The following TMEFF2 variants were observed in gnomAD, a reference collection of about 807,000 sequenced individuals.
TMEFF2 encodes tomoregulin-2.
TMEFF2 carries 28 observed loss-of-function variants against 53.8 expected under a neutral mutation model. That is an observed-to-expected ratio of 0.52 (90% CI 0.39 to 0.71). The LOEUF is 0.71. Ranked by LOEUF, TMEFF2 falls within the 30% of genes least tolerant of loss-of-function variation. TMEFF2 has a pLI of 0.00. For synonymous variants in TMEFF2, 162 were observed against 166.3 expected (o/e 0.97, Z 0.20); for missense variants, 353 against 455.2 (o/e 0.78, Z 2.04).
At chr2:192,040,636 C>A (rs1319773362) in intron 5 of TMEFF2, among the ~76,000 whole-genome samples, 1 of 152,060 alleles carries the variant, frequency 6.6e-6, no homozygotes, top group Non-Finnish European at 1.5e-5. Context: ...GGGGGTAGTT[C>A]TTTAGAGCTC....
At position 192,194,886 on chromosome 2, in the gene TMEFF2, C is replaced by T. The variant is rs181819054; in HGVS notation, c.-362G>A. On this transcript the variant is annotated 5_prime_UTR_variant, in exon 1 of 10. Transcript: ENST00000272771. The surrounding 1 kb of genome is among the most constrained non-coding windows in gnomAD (Gnocchi z 4.2). ...CAGGGTGGAGGGAGAGTCAAGGCGC[C>T]CCGCAGCCCGGCAGCCGCCTCTCGA... 8.4e-4 allele frequency: 196 copies of T among 232,202 alleles called. 1 individual carries two copies. Among genetic ancestry groups the T allele is most frequent in the African/African-American group, 3.8e-3 (166 of 43,394 alleles). 14.4% of individuals were successfully genotyped at this position (232,202 alleles called of 1,614,324 possible).
intron 4 of TMEFF2, among the ~76,000 whole-genome samples, chr2:192,109,505 A>ATAGT (rs201984237): frequency 0.012 from 1,848 of 152,190 alleles, 42 homozygotes; most frequent in African/African-American, 0.04. Context: ...CCAACAATAA[A>ATAGT]TAATTTCTGA....
At chr2:192,004,204 G>C (rs1364487248) in intron 5 of TMEFF2, among the ~76,000 whole-genome samples, 3 of 152,168 alleles carry the variant, frequency 2.0e-5, no homozygotes, top group African/African-American at 4.8e-5. Context: ...CTACTTGGCA[G>C]ATGTGGGGTC....
intron 5 of TMEFF2, chr2:192,037,269 A>AAAAGGAAAGAAAG (rs1440087652): frequency 1.4e-5 from 1 of 72,538 alleles, no homozygotes; most frequent in Non-Finnish European, 2.9e-5. Flanking sequence ...AAGACTAGCC[A>AAAAGGAAAGAAAG]AAATAAAGAA....
At chr2:192,044,820 A>G (rs779000460) in intron 5 of TMEFF2, among the ~76,000 whole-genome samples, 5 of 152,168 alleles carry the variant, frequency 3.3e-5, no homozygotes, top group Admixed American at 6.5e-5. Flanking sequence ...GCCTTAGTAG[A>G]GACTTAATAC....
intron 5 of TMEFF2, among the ~76,000 whole-genome samples, chr2:192,000,731 A>T (rs1478215050): frequency 2.0e-5 from 3 of 152,208 alleles, no homozygotes; most frequent in Non-Finnish European, 2.9e-5. Context: ...CTGTTTAAAA[A>T]TGCTGGCAGA....
chr2:192,107,123 CTA>C (rs1689168078), intron 4 of TMEFF2, among the ~76,000 whole-genome samples: 1 of 151,690 alleles, frequency 6.6e-6, no homozygotes, highest in African/African-American at 2.4e-5. Context: ...AGAAAAAAGA[CTA>C]AAAGTGTTTG....
chr2:192,013,647 G>A (rs1305743737), intron 5 of TMEFF2, among the ~76,000 whole-genome samples: 2 of 151,884 alleles, frequency 1.3e-5, no homozygotes, highest in African/African-American at 4.8e-5. Context: ...ACAGGGTTTC[G>A]CTATGTTGAC....
intron 5 of TMEFF2, among the ~76,000 whole-genome samples, chr2:192,023,145 A>G (rs938181260): frequency 6.6e-6 from 1 of 152,080 alleles, no homozygotes; most frequent in African/African-American, 2.4e-5. Context: ...TTATTTGTCT[A>G]TGTTGGCAGG....
chr2:192,037,293 GAAA>G lies in TMEFF2; in HGVS notation c.536+20383_536+20385del, dbSNP rs1214036853. On this transcript the variant is annotated intron_variant, in intron 5 of 9. Transcript: ENST00000272771. The stretch of plus-strand genomic sequence containing the variant: ...CAAAATAAAGAAAGAAAGAAAGAAA[GAAA>G]GAAAGAAAGAAAGAAAGAAAGAAAG... Among the ~76,000 whole-genome samples, 227 of 130,200 alleles carry G rather than the reference GAAA, an allele frequency of 1.7e-3. 3 individuals are homozygous for G. The highest frequency in any genetic ancestry group is 7.8e-3 in the African/African-American group (210 of 26,968). The allele number at this position is 130,200 out of a possible 152,430, so 85.4% of individuals were successfully genotyped here. A position where few individuals can be genotyped will look rare whatever the true frequency, so the allele number is the denominator to read the frequency against.
At chr2:191,984,270 C>G (rs1333865165) in intron 7 of TMEFF2, among the ~76,000 whole-genome samples, 6 of 151,840 alleles carry the variant, frequency 4.0e-5, no homozygotes, top group Non-Finnish European at 8.8e-5. Flanking sequence ...TCTGTTTTTC[C>G]AAAGTTAATC....
chr2:192,072,793 G>C (rs1221999085), intron 4 of TMEFF2, among the ~76,000 whole-genome samples: 1 of 151,872 alleles, frequency 6.6e-6, no homozygotes, highest in African/African-American at 2.4e-5. Flanking sequence ...AAATGGGAGA[G>C]AAGGGAGAGG....
chr2:192,025,416 A>C (rs974209628), intron 5 of TMEFF2, among the ~76,000 whole-genome samples: 4 of 150,818 alleles, frequency 2.7e-5, no homozygotes, highest in African/African-American at 9.7e-5. Context: ...CGTTCTTGTT[A>C]AAAACCAAAA....
At chr2:191,968,751 T>A (rs953170520) in intron 7 of TMEFF2, among the ~76,000 whole-genome samples, 1 of 152,190 alleles carries the variant, frequency 6.6e-6, no homozygotes, top group Non-Finnish European at 1.5e-5. Context: ...TATGTAGTGC[T>A]TCTAGACTCA....
At chr2:192,073,244 G>A (rs935861980) in intron 4 of TMEFF2, among the ~76,000 whole-genome samples, 1 of 151,834 alleles carries the variant, frequency 6.6e-6, no homozygotes, top group Non-Finnish European at 1.5e-5. Context: ...AGCTGTACCT[G>A]GCAGAATCCC....
chr2:192,077,399 A>T (rs1296503953), intron 4 of TMEFF2, among the ~76,000 whole-genome samples: 2 of 152,200 alleles, frequency 1.3e-5, no homozygotes, highest in Non-Finnish European at 1.5e-5. Flanking sequence ...CTGGTTTTCG[A>T]TATGAAAAGG....
At chr2:192,023,977 A>C (rs1686915326) in intron 5 of TMEFF2, among the ~76,000 whole-genome samples, 1 of 152,200 alleles carries the variant, frequency 6.6e-6, no homozygotes, top group South Asian at 2.1e-4. Flanking sequence ...ATTCTGTGAA[A>C]GAACACTGCC....
At chr2:192,101,269 A>C (rs1292620210) in intron 4 of TMEFF2, among the ~76,000 whole-genome samples, 1 of 152,204 alleles carries the variant, frequency 6.6e-6, no homozygotes, top group African/African-American at 2.4e-5. Context: ...GTTATTACCC[A>C]AAATAATTTT....
chr2:191,993,613 T>C (rs1209035949), intron 7 of TMEFF2, among the ~76,000 whole-genome samples: 1 of 152,028 alleles, frequency 6.6e-6, no homozygotes, highest in Non-Finnish European at 1.5e-5. Context: ...TATGTATCCA[T>C]GAGGAAAATA....
Sources: allele counts gnomAD v4.1 joint callset (sites outside exome capture counted in the v4.1 genomes callset), GRCh38; gene constraint gnomAD v4.1.1; non-coding constraint Gnocchi (gnomAD v3.1); transcripts MANE v1.5; gene names NCBI Gene and HGNC (gene_info 2026-07-23, HGNC 2026-07-21).